The following HERC2 variants were observed in gnomAD, a reference collection of about 807,000 sequenced individuals.
HERC2 encodes the protein HECT and RLD domain containing E3 ubiquitin protein ligase 2.
In HERC2, 102 loss-of-function variants were observed where a neutral mutation model predicts 537.7. That is an observed-to-expected ratio of 0.19 (90% CI 0.16 to 0.22). The LOEUF (loss-of-function observed/expected upper bound fraction) is 0.22. Among genes scored for constraint, HERC2 ranks in the 10% least tolerant of loss-of-function variants. The pLI is 1.00. For missense variants in HERC2, 4,236 were observed against 6,198.2 expected (o/e 0.68, Z 10.63); for synonymous variants, 2,224 against 2,466.2 (o/e 0.90, Z 2.91).
intron 37 of HERC2, 64 bp from the exon 38 acceptor site, chr15:28,218,735 A>G (rs1195059560): frequency 3.1e-6 from 4 of 1,304,776 alleles, no homozygotes; most frequent in Non-Finnish European, 4.4e-6. Context: ...AGTCCTGCAT[A>G]TAATTCAACA....
intron 68 of HERC2, among the ~76,000 whole-genome samples, chr15:28,166,882 C>T (rs774862736): frequency 1.2e-4 from 18 of 152,264 alleles, no homozygotes; most frequent in Middle Eastern, 3.4e-3. Context: ...TAGCAACAAA[C>T]GTCACTATTT....
chr15:28,240,462 CCAAT>C (rs937411221), intron 23 of HERC2, among the ~76,000 whole-genome samples: 1 of 152,012 alleles, frequency 6.6e-6, no homozygotes, highest in Non-Finnish European at 1.5e-5. Flanking sequence ...TAAAAATAAT[CCAAT>C]CAATCAAAAA....
intron 74 of HERC2, among the ~76,000 whole-genome samples, chr15:28,143,533 A>C (rs935622068): frequency 6.6e-6 from 1 of 151,920 alleles, no homozygotes; most frequent in Admixed American, 6.6e-5. Flanking sequence ...TCCAACCTCC[A>C]CGTCCCAGGT....
At position 28,229,321 on chromosome 15, in the gene HERC2, C is replaced by A; in HGVS notation, c.5146G>T (p.Asp1716Tyr). 6.2e-7 allele frequency: 1 copy of A among 1,612,856 alleles called. No individual in the cohort carries two copies. ...TTAAAAGGCGGGATCAAATCAACAT[C>A]CTTTAAACAATCAGTAAGAGGTTCC... Reference protein sequence around the residue: ...IGEPLTDCLKDVDLIPPFNRM... With the variant: ...IGEPLTDCLKYVDLIPPFNRM... Residue 1716 changes from aspartate to tyrosine, a missense_variant, in exon 34 of 93, where the codon GAT becomes TAT. Around this residue, in one of 27 missense-constraint regions of HERC2, gnomAD observed 343 missense variants for 417.2 expected, o/e 0.82. Coordinates refer to ENST00000261609, the MANE Select transcript of HERC2 (RefSeq NM_004667.6).
intron 11 of HERC2, 90 bp downstream of exon 11, chr15:28,269,158 C>A (rs532709071): frequency 1.1e-5 from 10 of 929,180 alleles, no homozygotes; most frequent in Non-Finnish European, 1.6e-5. Context: ...AGAAATCAAA[C>A]GCCTTAAAGA....
rs373378644 is a variant in HERC2, at chr15:28,257,118, G to A, written c.2460C>T (p.Pro820=). Residue 820 remains proline, a synonymous_variant, in exon 17 of 93, where the codon CCC becomes CCT. Transcript: ENST00000261609. ...CCACACACTCTTTCTCCTGGGGCGGGGGCCAGTCCGCGGAACCATCCATCC... is the reference window on the plus strand; with the variant it reads ...CCACACACTCTTTCTCCTGGGGCGGAGGCCAGTCCGCGGAACCATCCATCC... ...SEGMDGSADW[P]PPQEKECVAV... The A allele has an allele frequency of 1.9e-6, 3 of 1,613,716 alleles. No individual in the cohort carries two copies. Among genetic ancestry groups the A allele is most frequent in the Middle Eastern group, 1.6e-4 (1 of 6,076 alleles).
At chr15:28,171,653 CA>C (rs1273914135) in intron 65 of HERC2, among the ~76,000 whole-genome samples, 1 of 151,752 alleles carries the variant, frequency 6.6e-6, no homozygotes, top group Non-Finnish European at 1.5e-5. Context: ...AAAAAAAAAG[CA>C]ATTGTACTTA....
At position 28,227,246 on chromosome 15, in the gene HERC2, G is replaced by A. The variant is rs572803879; in HGVS notation, c.5464+972C>T. 4.9e-4 allele frequency among the ~76,000 whole-genome samples: 75 copies of A among 151,978 alleles called. No individual in the cohort carries two copies. The East Asian group carries it at 0.01, about 20-fold the overall frequency. On this transcript the variant is annotated intron_variant, in intron 35 of 92. Coordinates refer to ENST00000261609, the MANE Select transcript of HERC2 (RefSeq NM_004667.6). ...GCTGAGATCGTGCCACTGTGCTCCAGCCTAGGCGACGGAGTGAGACTCCGT... is the reference window on the plus strand; with the variant it reads ...GCTGAGATCGTGCCACTGTGCTCCAACCTAGGCGACGGAGTGAGACTCCGT...
In HERC2 at chr15:28,245,606, GAT is replaced by G. The variant is rs36126627; in HGVS notation, c.3577+273_3577+274del. 7.4e-4 allele frequency among the ~76,000 whole-genome samples: 96 copies of G among 129,062 alleles called. 2 individuals carry two copies. Among genetic ancestry groups the G allele is most frequent in the African/African-American group, 2.6e-3 (92 of 35,036 alleles). 84.7% of individuals were successfully genotyped at this position (129,062 alleles called of 152,430 possible). ...ACACACACACACACACACACACACAGATATATATATACACACACATATATGTA... is the reference window on the plus strand; with the variant it reads ...ACACACACACACACACACACACACAGATATATATACACACACATATATGTA... On this transcript the variant is annotated intron_variant, in intron 23 of 92. Transcript: ENST00000261609.
chr15:28,196,379 T>C, intron 51 of HERC2, 25 bp from the exon 52 acceptor site: 1 of 1,341,368 alleles, frequency 7.5e-7, no homozygotes, highest in Non-Finnish European at 1.0e-6. Flanking sequence ...GCAACTGAGT[T>C]AAGAAAGGTC....
chr15:28,259,885 G>A (rs745527854), intron 16 of HERC2, among the ~76,000 whole-genome samples: 4 of 150,482 alleles, frequency 2.7e-5, no homozygotes, highest in Non-Finnish European at 4.4e-5. Flanking sequence ...GGAGAATTGC[G>A]TGAACCCAGG....
intron 2 of HERC2, among the ~76,000 whole-genome samples, chr15:28,308,214 T>C (rs577092975): frequency 2.0e-5 from 3 of 152,356 alleles, no homozygotes; most frequent in South Asian, 2.1e-4. Context: ...CTTTTGTGTC[T>C]TCTTTAATGT....
intron 52 of HERC2, among the ~76,000 whole-genome samples, chr15:28,194,028 A>G (rs1445243818): frequency 6.6e-6 from 1 of 151,896 alleles, no homozygotes; most frequent in African/African-American, 2.4e-5. Flanking sequence ...GACTACATAA[A>G]ATCATCACAT....
At chr15:28,310,310 G>A (rs2141269052) in intron 2 of HERC2, among the ~76,000 whole-genome samples, 1 of 152,140 alleles carries the variant, frequency 6.6e-6, no homozygotes, top group South Asian at 2.1e-4. Context: ...AGCCAGAGGT[G>A]GTGGCGCGCC....
At position 28,255,889 on chromosome 15, in the gene HERC2, T is replaced by C. The variant is rs775838533; in HGVS notation, c.2854A>G (p.Ile952Val). 12 of 1,600,486 alleles carry C rather than the reference T, an allele frequency of 7.5e-6. No homozygotes were observed. The East Asian group carries it at 1.3e-4, about 18-fold the overall frequency. ...AGCCATACCTGGATCTCTGCAGTAA[T>C]GGCTGCGTGTAAGGCTGACTCCAAC... is the stretch of plus-strand genomic sequence containing the variant. ...GGLESALHAA[I>V]TAEIQDIEAK... Residue 952 changes from isoleucine (I) to valine (V), a missense_variant, in exon 19 of 93, where the codon ATT becomes GTT. Around this residue, in one of 27 missense-constraint regions of HERC2, gnomAD observed 754 missense variants for 1,085.0 expected, o/e 0.69. Transcript: ENST00000261609.
At chr15:28,196,979 C>A (rs1173366322) in intron 50 of HERC2, among the ~76,000 whole-genome samples, 1 of 152,226 alleles carries the variant, frequency 6.6e-6, no homozygotes, top group African/African-American at 2.4e-5. Flanking sequence ...AGACTTCTTT[C>A]GTCCTTTGAT....
Position 28,186,565 on chromosome 15 carries a change from A to C in HERC2, c.8825+12T>G, listed in dbSNP as rs377022909. 1 of 1,610,926 alleles carries C rather than the reference A, an allele frequency of 6.2e-7. No homozygotes were observed. Among genetic ancestry groups the C allele is most frequent in the Non-Finnish European group, 8.5e-7 (1 of 1,178,000 alleles). ...GGGAGGTAAGTGAGCACCTGTAACA[A>C]ATGGTTCTCACCTTCCGCTGTTGCC... On this transcript the variant is annotated intron_variant, in intron 56 of 92. Transcript: ENST00000261609.
At chr15:28,226,661 T>C (rs1901204837) in intron 35 of HERC2, among the ~76,000 whole-genome samples, 1 of 152,198 alleles carries the variant, frequency 6.6e-6, no homozygotes, top group Non-Finnish European at 1.5e-5. Flanking sequence ...GAAGAAAACA[T>C]GAGGATAATC....
At chr15:28,182,380 G>T in intron 57 of HERC2, 21 bp downstream of exon 57, 1 of 1,555,074 alleles carries the variant, frequency 6.4e-7, no homozygotes, top group Non-Finnish European at 8.9e-7. Context: ...ACCCTGCTGG[G>T]TCCCAGGGAG....
Sources: gnomAD v4.1 joint callset for allele counts (sites outside exome capture counted in the v4.1 genomes callset) on GRCh38, gnomAD v4.1.1 for gene constraint, gnomAD v4.1.1 regional missense constraint, MANE v1.5 for transcripts, NCBI Gene and HGNC (gene_info 2026-07-23, HGNC 2026-07-21) for gene names.